GALNT13: variants seen among roughly 807,000 people sequenced by gnomAD.
GALNT13 encodes the protein UDP-GalNAc:polypeptide N-acetylgalactosaminyltransferase 13.
Under a neutral mutation model 64.2 loss-of-function variants are expected in GALNT13, and 28 were observed. The ratio of observed to expected loss-of-function variants is 0.44; its 90% CI spans 0.32 to 0.60. The LOEUF (loss-of-function observed/expected upper bound fraction) is 0.60. GALNT13 is among the 20% of genes least tolerant of loss of function. The probability of loss-of-function intolerance (pLI) is 0.05; values close to 1 mark genes in which losing one functional copy is unlikely to be tolerated. For synonymous variants in GALNT13, 214 were observed against 224.6 expected, an observed-to-expected ratio of 0.95 and a Z score of 0.42; for missense variants, 577 against 669.8, an observed-to-expected ratio of 0.86 and a Z score of 1.53.
chr2:153,363,046 A>T, the GALNT13 span, among the ~76,000 whole-genome samples: 4 of 152,344 alleles, frequency 2.6e-5, no homozygotes, highest in South Asian at 8.3e-4. Context: ...CTCAGAACAT[A>T]GTGCAATCAA....
At chr2:153,110,475 CTGTT>C in the GALNT13 span, among the ~76,000 whole-genome samples, 1 of 152,048 alleles carries the variant, frequency 6.6e-6, no homozygotes, top group Non-Finnish European at 1.5e-5. Context: ...AAAATTTGGT[CTGTT>C]TTTTTCCTTA....
chr2:154,427,108 C>T (rs1700505967), intron 11 of GALNT13, among the ~76,000 whole-genome samples: 1 of 152,120 alleles, frequency 6.6e-6, no homozygotes, highest in African/African-American at 2.4e-5. Context: ...GAGGCAAATG[C>T]TTTGTTTAGA....
chr2:153,777,358 G>T, the GALNT13 span, among the ~76,000 whole-genome samples: 1 of 152,138 alleles, frequency 6.6e-6, no homozygotes, highest in African/African-American at 2.4e-5. Context: ...AGAAGACTTA[G>T]ATTCAGTGCA....
At chr2:153,489,909 A>T in the GALNT13 span, among the ~76,000 whole-genome samples, 22 of 152,068 alleles carry the variant, frequency 1.4e-4, no homozygotes, top group African/African-American at 5.1e-4. Context: ...ATTAGAGCCC[A>T]GGAGTTTGAA....
the GALNT13 span, among the ~76,000 whole-genome samples, chr2:153,726,850 G>A: frequency 4.9e-4 from 72 of 147,598 alleles, 2 homozygotes; most frequent in South Asian, 0.016. Flanking sequence ...TGAGGCGGGA[G>A]AATGGTGTGA....
intron 3 of GALNT13, among the ~76,000 whole-genome samples, chr2:154,026,405 G>C (rs537888836): frequency 6.6e-6 from 1 of 152,286 alleles, no homozygotes; most frequent in South Asian, 2.1e-4. Context: ...TGTTTGGCTT[G>C]TGTTCCCTGT....
the GALNT13 span, among the ~76,000 whole-genome samples, chr2:153,263,713 A>G: frequency 6.6e-6 from 1 of 152,244 alleles, no homozygotes; most frequent in Admixed American, 6.5e-5. Context: ...TCCCCATTTC[A>G]TAAATGGTAC....
At chr2:154,423,534 T>C (rs1385445538) in intron 11 of GALNT13, among the ~76,000 whole-genome samples, 1 of 152,216 alleles carries the variant, frequency 6.6e-6, no homozygotes, top group African/African-American at 2.4e-5. Flanking sequence ...ACCAACAGTG[T>C]AAAAGCATTC....
chr2:153,442,990 G>C, the GALNT13 span, among the ~76,000 whole-genome samples: 1 of 152,142 alleles, frequency 6.6e-6, no homozygotes, highest in Non-Finnish European at 1.5e-5. Flanking sequence ...GGCTCTTTGC[G>C]GGGTGGGATC....
At chr2:154,041,831 G>A (rs1204229801) in intron 3 of GALNT13, among the ~76,000 whole-genome samples, 1 of 139,820 alleles carries the variant, frequency 7.2e-6, no homozygotes, top group Non-Finnish European at 1.6e-5. Flanking sequence ...CTGCTCTAGT[G>A]ATATCATTTA....
chr2:154,450,197 A>G (rs1160479918), intron 12 of GALNT13, among the ~76,000 whole-genome samples: 2 of 152,056 alleles, frequency 1.3e-5, no homozygotes, highest in East Asian at 1.9e-4. Flanking sequence ...GCCATCTGCA[A>G]ATAAAGGTAT....
chr2:153,817,745 C>T, the GALNT13 span, among the ~76,000 whole-genome samples: 1 of 152,300 alleles, frequency 6.6e-6, no homozygotes, highest in African/African-American at 2.4e-5. Flanking sequence ...TTTTCTTTAA[C>T]ACCACATAAA....
At chr2:154,167,098 C>T (rs1339589165) in intron 4 of GALNT13, among the ~76,000 whole-genome samples, 1 of 151,678 alleles carries the variant, frequency 6.6e-6, no homozygotes, top group African/African-American at 2.4e-5. Flanking sequence ...GCAAGTTGTG[C>T]ACGTGTATTG....
intron 3 of GALNT13, among the ~76,000 whole-genome samples, chr2:154,022,791 G>A (rs1276422739): frequency 1.3e-5 from 2 of 151,668 alleles, no homozygotes; most frequent in African/African-American, 4.8e-5. Flanking sequence ...TGATGTTAGG[G>A]TGTCAATTTG....
chr2:153,943,582 C>T (rs1459426416), intron 2 of GALNT13, among the ~76,000 whole-genome samples: 1 of 151,982 alleles, frequency 6.6e-6, no homozygotes, highest in Non-Finnish European at 1.5e-5. Context: ...GCAACCTCCA[C>T]CTACCAGGTT....
the GALNT13 span, among the ~76,000 whole-genome samples, chr2:153,194,801 T>A: frequency 1.7e-3 from 254 of 149,576 alleles, no homozygotes; most frequent in African/African-American, 6.0e-3. Context: ...TGATTCCAGT[T>A]GCACACAGTA....
chr2:153,728,465 T>C, the GALNT13 span, among the ~76,000 whole-genome samples: 1 of 152,306 alleles, frequency 6.6e-6, no homozygotes, highest in African/African-American at 2.4e-5. Context: ...AGAGACAATG[T>C]ATCAGAATCT....
At chr2:154,300,291 C>T (rs569409970) in intron 8 of GALNT13, among the ~76,000 whole-genome samples, 3 of 151,722 alleles carry the variant, frequency 2.0e-5, no homozygotes, top group Non-Finnish European at 2.9e-5. Flanking sequence ...TTAGTAGAGA[C>T]GGGTTTTTGC....
At chr2:153,229,133 G>A in the GALNT13 span, among the ~76,000 whole-genome samples, 1 of 152,148 alleles carries the variant, frequency 6.6e-6, no homozygotes, top group Non-Finnish European at 1.5e-5. Flanking sequence ...GCATACACTA[G>A]CAAACATAGC....
Sources: allele counts gnomAD v4.1 joint callset (sites outside exome capture counted in the v4.1 genomes callset), GRCh38; gene constraint gnomAD v4.1.1; transcripts MANE v1.5; gene names NCBI Gene and HGNC (gene_info 2026-07-23, HGNC 2026-07-21).